The following ARNT variants were observed in gnomAD, a reference collection of about 807,000 sequenced individuals.
The protein encoded by ARNT is aryl hydrocarbon receptor nuclear translocator, also known as class E basic helix-loop-helix protein 2.
ARNT carries 30 observed loss-of-function variants against 105.0 expected under a neutral mutation model. That is an observed-to-expected ratio of 0.29 (90% CI 0.21 to 0.39). ARNT has a LOEUF of 0.39. ARNT is among the 10% of genes least tolerant of loss of function. The pLI, the probability that ARNT is intolerant of heterozygous loss-of-function variation, is 1.00. For missense variants in ARNT, 748 were observed against 978.7 expected, an observed-to-expected ratio of 0.76 and a Z score of 3.15; for synonymous variants, 304 against 344.0, an observed-to-expected ratio of 0.88 and a Z score of 1.29.
chr1:150,863,314 C>A (rs905905772), intron 1 of ARNT, among the ~76,000 whole-genome samples: 3 of 151,730 alleles, frequency 2.0e-5, no homozygotes. Flanking sequence ...CGAGATCATG[C>A]CACTGCACTC....
At chr1:150,853,244 G>A in intron 2 of ARNT, 1 of 364,216 alleles carries the variant, frequency 2.7e-6, no homozygotes, top group Non-Finnish European at 5.4e-6. Context: ...TCGCACCATT[G>A]CACTCAAGCC....
intron 1 of ARNT, among the ~76,000 whole-genome samples, chr1:150,858,769 G>A (rs1028220883): frequency 1.3e-5 from 2 of 151,034 alleles, no homozygotes; most frequent in African/African-American, 4.9e-5. Context: ...CTATAGGCCC[G>A]CACTACCACA....
At position 150,823,304 on chromosome 1, in the gene ARNT, C is replaced by G; in HGVS notation, c.1284G>C (p.Arg428=). The G allele has an allele frequency of 6.2e-7, 1 of 1,613,874 alleles. No individual in the cohort carries two copies. The highest frequency in any genetic ancestry group is 1.1e-5 in the South Asian group (1 of 91,058). ...LKGQVLSVMF[R]FRSKNQEWLW... is the part of the protein sequence containing the mutation. ...GCCATTCTTGGTTCTTAGACCGGAA[C>G]CGGAACATGACAGACAGCACTTGGC... Residue 428 remains arginine (R), a synonymous_variant, in exon 14 of 22, where the codon CGG becomes CGC. Transcript: ENST00000358595.
At chr1:150,832,309 T>C in intron 9 of ARNT, 25 bp downstream of exon 9, 1 of 1,613,646 alleles carries the variant, frequency 6.2e-7, no homozygotes, top group Non-Finnish European at 8.5e-7. Context: ...GCCATCCCTT[T>C]GGTTTTCACC....
rs1655868431 is a variant in ARNT at position 150,816,309 on chromosome 1, C to G, written c.1900G>C (p.Gly634Arg). 1 of 1,606,474 alleles carries G rather than the reference C, an allele frequency of 6.2e-7. No homozygotes were observed. Among genetic ancestry groups the G allele is most frequent in the African/African-American group, 1.3e-5 (1 of 74,332 alleles). ...QISRHSNPTQ[G>R]ATPTWTPTTR... ...GTAGGGGTCCAAGTTGGGGTTGCTC[C>G]TTGGGTGGGGTTGGAGTGGCGGGAA... The change falls in exon 19 of 22, where the codon GGA becomes CGA. Residue 634 changes from glycine (G) to arginine (R), a missense_variant. Physicochemically the swap from Gly to Arg is moderately radical, Grantham distance 125 (BLOSUM62 -2). Coordinates refer to ENST00000358595, the MANE Select transcript of ARNT (RefSeq NM_001668.4).
chr1:150,864,765 A>AAAAT (rs1230615571), intron 1 of ARNT, among the ~76,000 whole-genome samples: 10 of 141,562 alleles, frequency 7.1e-5, no homozygotes, highest in African/African-American at 2.5e-4. Flanking sequence ...AGTATAATAA[A>AAAAT]AAATAAATAA....
chr1:150,839,907 T>C (rs587638940), intron 5 of ARNT, among the ~76,000 whole-genome samples: 1 of 152,168 alleles, frequency 6.6e-6, no homozygotes, highest in African/African-American at 2.4e-5. Flanking sequence ...AAACTTCACA[T>C]CCTTTGTAAA....
At chr1:150,862,344 C>A (rs1411328029) in intron 1 of ARNT, among the ~76,000 whole-genome samples, 2 of 152,054 alleles carry the variant, frequency 1.3e-5, no homozygotes, top group Non-Finnish European at 2.9e-5. Context: ...GGAGGTTATA[C>A]CAATTTAAAG....
At chr1:150,850,933 G>A (rs1164077006) in intron 3 of ARNT, among the ~76,000 whole-genome samples, 4 of 119,268 alleles carry the variant, frequency 3.4e-5, no homozygotes, top group African/African-American at 6.5e-5. Context: ...GCCCGGCCAC[G>A]ACCCCGTCTG....
At chr1:150,813,123 C>T (rs1655075494) in intron 21 of ARNT, 49 bp downstream of exon 21, 1 of 1,586,222 alleles carries the variant, frequency 6.3e-7, no homozygotes, top group Non-Finnish European at 8.6e-7. Flanking sequence ...TCCTCCTGGA[C>T]CCTTTCTCTC....
chr1:150,811,969 AAAAC>A lies in ARNT; in HGVS notation c.*48_*51del, dbSNP rs992075537. The A allele has an allele frequency of 1.7e-5, 23 of 1,360,538 alleles. No homozygotes were observed. The African/African-American group carries it at 1.9e-4, about 12-fold the overall frequency. The allele number at this position is 1,360,538 out of a possible 1,614,324, so 84.3% of individuals were successfully genotyped here. Reference sequence around the variant, plus strand: ...TGTTTACAGAAAGATTTGCTTTTTAAAAACAAACAGTGATTTTTTCTCCCCCACC... The same window carrying A: ...TGTTTACAGAAAGATTTGCTTTTTAAAAACAGTGATTTTTTCTCCCCCACC... On this transcript the variant is annotated 3_prime_UTR_variant, in exon 22 of 22. Transcript: ENST00000358595.
chr1:150,855,422 C>G (rs1664407353), intron 2 of ARNT, among the ~76,000 whole-genome samples: 1 of 151,248 alleles, frequency 6.6e-6, no homozygotes, highest in African/African-American at 2.4e-5. Context: ...ATTAGCCAGA[C>G]GTGGTGGTGG....
Position 150,814,168 on chromosome 1 carries a change from G to C in ARNT, c.2022C>G (p.Ser674=), listed in dbSNP as rs772992999. The change falls in exon 20 of 22, where the codon TCC becomes TCG. Residue 674 remains serine (S), a synonymous_variant. Transcript: ENST00000358595. ...QFGVGSFQTP[S]SFSSMSLPGA... is the part of the protein sequence containing the mutation. ...CAGGGAGGGACATGGAGCTGAAGGA[G>C]GATGGAGTCTGAAAGCTGCCCACAC... 6.2e-7 allele frequency: 1 copy of C among 1,614,064 alleles called. No homozygotes were observed. The highest frequency in any genetic ancestry group is 8.5e-7 in the Non-Finnish European group (1 of 1,180,052).
At chr1:150,818,114 T>C in intron 14 of ARNT, 84 bp from the exon 15 acceptor site, 1 of 951,432 alleles carries the variant, frequency 1.1e-6, no homozygotes, top group Non-Finnish European at 1.6e-6. Context: ...TAAGATTCTG[T>C]ATGTAAAGCT....
At chr1:150,866,582 A>G (rs1666624439) in intron 1 of ARNT, among the ~76,000 whole-genome samples, 2 of 152,330 alleles carry the variant, frequency 1.3e-5, no homozygotes, top group South Asian at 4.1e-4. Flanking sequence ...GGACTCCCTT[A>G]TAATTTTTTT....
In ARNT at chr1:150,817,955, T is replaced by C. The variant is rs1656268774; in HGVS notation, c.1470A>G (p.Leu490=). 3 of 1,613,534 alleles carry C rather than the reference T, an allele frequency of 1.9e-6. No homozygotes were observed. In the East Asian group the frequency reaches 6.7e-5, roughly 36 times the overall value. ...GCTGTCCTGAGCCCATCTCCAGGGG[T>C]AAATTAGCTGTGGGACCTAGTTGTG... is the stretch of plus-strand genomic sequence containing the variant. The part of the protein sequence containing the change: ...QRPQLGPTAN[L]PLEMGSGQLA... Residue 490 remains leucine, a synonymous_variant, in exon 15 of 22, where the codon TTA becomes TTG. Transcript: ENST00000358595.
chr1:150,852,650 G>T, intron 3 of ARNT, 112 bp downstream of exon 3: 1 of 892,476 alleles, frequency 1.1e-6, no homozygotes, highest in East Asian at 2.6e-5. Flanking sequence ...TATAGTTTTA[G>T]GATGAAGTAC....
chr1:150,826,597 A>G lies in ARNT; in HGVS notation c.1188T>C (p.Ile396=), dbSNP rs1479769735. The change falls in exon 13 of 22, where the codon ATT becomes ATC. Residue 396 remains isoleucine (I), a synonymous_variant. Coordinates refer to ENST00000358595, the MANE Select transcript of ARNT (RefSeq NM_001668.4). ...YQPQELLGKN[I]VEFCHPEDQQ... ...GGTCTTCAGGATGACAGAATTCTAC[A>G]ATATTCTTTCCTAAGAGTTCCTAGA... 6.2e-7 allele frequency: 1 copy of G among 1,612,626 alleles called. No homozygotes were observed. The highest frequency in any genetic ancestry group is 8.5e-7 in the Non-Finnish European group (1 of 1,179,094).
chr1:150,862,593 G>C (rs1416089509), intron 1 of ARNT, among the ~76,000 whole-genome samples: 1 of 151,204 alleles, frequency 6.6e-6, no homozygotes. Context: ...AAAAAGTTCA[G>C]GGCCAAGTGC....
Sources: gnomAD v4.1 joint callset for allele counts (sites outside exome capture counted in the v4.1 genomes callset) on GRCh38, gnomAD v4.1.1 for gene constraint, MANE v1.5 for transcripts, NCBI Gene and HGNC (gene_info 2026-07-23, HGNC 2026-07-21) for gene names.